GHR: variants seen among roughly 807,000 people sequenced by gnomAD.
GHR encodes the protein GH receptor.
A neutral mutation model predicts 67.1 loss-of-function variants in GHR; 35 were observed. The ratio of observed to expected loss-of-function variants is 0.52; its 90% CI spans 0.40 to 0.69. GHR has a LOEUF of 0.69. Ranked by LOEUF, GHR falls within the 30% of genes least tolerant of loss-of-function variation. The probability of loss-of-function intolerance (pLI) is 0.00; values close to 1 mark genes in which losing one functional copy is unlikely to be tolerated. For missense variants in GHR, 792 were observed against 764.6 expected, an observed-to-expected ratio of 1.04 and a Z score of -0.42; for synonymous variants, 272 against 269.1, an observed-to-expected ratio of 1.01 and a Z score of -0.10.
intron 1 of GHR, among the ~76,000 whole-genome samples, chr5:42,475,761 G>A (rs1300811649): frequency 6.6e-6 from 1 of 152,094 alleles, no homozygotes; most frequent in Non-Finnish European, 1.5e-5. Context: ...TGGGGAGAGT[G>A]AGAGTAAATT....
intron 4 of GHR, 102 bp from the exon 5 acceptor site, chr5:42,694,815 T>C: frequency 1.1e-6 from 1 of 874,440 alleles, no homozygotes. Context: ...ACAAAATATT[T>C]GTCTTCCAAT....
intron 1 of GHR, among the ~76,000 whole-genome samples, chr5:42,429,009 GTATCT>G (rs1742975774): frequency 5.3e-5 from 8 of 152,046 alleles, no homozygotes; most frequent in Non-Finnish European, 1.0e-4. Flanking sequence ...ACATTTTTGG[GTATCT>G]TTACAGCAGC....
rs551617341 is a variant in GHR, at chr5:42,505,280, CT to C, written c.-11-60583del. 3.6e-4 allele frequency among the ~76,000 whole-genome samples: 54 copies of C among 151,986 alleles called. 1 individual carries two copies. The highest frequency in any genetic ancestry group is 1.2e-3 in the African/African-American group (50 of 41,480). On this transcript the variant is annotated intron_variant, in intron 1 of 9. Coordinates refer to ENST00000230882, the MANE Select transcript of GHR (RefSeq NM_000163.5). ...CTATTTCTTAAACTGAGGAGAATTTCTGTTTGAGCCCAGTCCAAGTCATTAC... is the reference window on the plus strand; with the variant it reads ...CTATTTCTTAAACTGAGGAGAATTTCGTTTGAGCCCAGTCCAAGTCATTAC...
At chr5:42,681,187 G>C (rs1019381584) in intron 3 of GHR, among the ~76,000 whole-genome samples, 1 of 151,702 alleles carries the variant, frequency 6.6e-6, no homozygotes, top group African/African-American at 2.4e-5. Flanking sequence ...CTACAGAATG[G>C]GAGAAAATTT....
intron 3 of GHR, among the ~76,000 whole-genome samples, chr5:42,642,150 T>C (rs1754507403): frequency 6.6e-6 from 1 of 152,158 alleles, no homozygotes; most frequent in Non-Finnish European, 1.5e-5. Context: ...CAGAAGACGA[T>C]TAGAAGGGCA....
chr5:42,435,531 G>A (rs575383039), intron 1 of GHR, among the ~76,000 whole-genome samples: 2 of 152,142 alleles, frequency 1.3e-5, no homozygotes, highest in African/African-American at 4.8e-5. Context: ...TTTTTATCTG[G>A]GACTAATTTC....
At chr5:42,460,186 T>G (rs1276795553) in intron 1 of GHR, among the ~76,000 whole-genome samples, 2 of 152,204 alleles carry the variant, frequency 1.3e-5, no homozygotes, top group East Asian at 3.8e-4. Context: ...CACCAGGAAC[T>G]TAAGTGTCTG....
intron 3 of GHR, among the ~76,000 whole-genome samples, chr5:42,637,291 C>T (rs1406753023): frequency 6.6e-6 from 1 of 152,116 alleles, no homozygotes; most frequent in Non-Finnish European, 1.5e-5. Flanking sequence ...AACAGCAAAG[C>T]AATTAATTCT....
intron 2 of GHR, among the ~76,000 whole-genome samples, chr5:42,596,690 C>T (rs1466177919): frequency 6.6e-6 from 1 of 152,164 alleles, no homozygotes; most frequent in Admixed American, 6.5e-5. Flanking sequence ...AGCTCCTCTC[C>T]TGATATGATT....
intron 1 of GHR, among the ~76,000 whole-genome samples, chr5:42,503,790 GA>G (rs1414460712): frequency 1.4e-5 from 2 of 141,378 alleles, no homozygotes; most frequent in Admixed American, 6.9e-5. Context: ...TCTCTAATTA[GA>G]TGACTTTTTT....
rs529915780 is a variant in GHR at position 42,695,958 on chromosome 5, T to A, written c.439+869T>A. 5.9e-5 allele frequency among the ~76,000 whole-genome samples: 9 copies of A among 152,272 alleles called. 1 individual carries two copies. The South Asian group carries it at 1.9e-3, about 32-fold the overall frequency. On this transcript the variant is annotated intron_variant, in intron 5 of 9. Coordinates refer to ENST00000230882, the MANE Select transcript of GHR (RefSeq NM_000163.5). ...GCTAGAACTTACAGATAGAAACAAA[T>A]AAAATCTAATAGGCTGACTTTAAGG...
intron 1 of GHR, among the ~76,000 whole-genome samples, chr5:42,543,054 T>C (rs554949058): frequency 1.3e-5 from 2 of 152,140 alleles, no homozygotes; most frequent in Non-Finnish European, 2.9e-5. Context: ...ATTTAAGTTG[T>C]TTCTACATCT....
Position 42,718,666 on chromosome 5 carries a change from A to C in GHR, c.1159A>C (p.Thr387Pro). ...LGVKDGDSGR[T>P]SCCEPDILET... Reference sequence around the variant, plus strand: ...GGTGAAGGATGGCGACTCTGGACGTACCAGCTGTTGTGAACCTGACATTCT... The same window carrying C: ...GGTGAAGGATGGCGACTCTGGACGTCCCAGCTGTTGTGAACCTGACATTCT... Residue 387 changes from threonine (T) to proline (P), a missense_variant, in exon 10 of 10, where the codon ACC becomes CCC. By Grantham distance (38) the Thr-to-Pro change is conservative. Transcript: ENST00000230882. The C allele has an allele frequency of 6.2e-7, 1 of 1,614,178 alleles. No homozygotes were observed.
chr5:42,502,773 T>A (rs7723304), intron 1 of GHR, among the ~76,000 whole-genome samples: 73,869 of 148,318 alleles, frequency 0.5, 19,288 homozygotes, highest in African/African-American at 0.63. Flanking sequence ...AATGTCTTTA[T>A]GTATATATAT....
At chr5:42,705,486 C>T (rs1293194447) in intron 6 of GHR, among the ~76,000 whole-genome samples, 1 of 152,008 alleles carries the variant, frequency 6.6e-6, no homozygotes, top group Non-Finnish European at 1.5e-5. Flanking sequence ...GTTTACCATA[C>T]AGATTATTTC....
chr5:42,591,645 G>A (rs1390133002), intron 2 of GHR, among the ~76,000 whole-genome samples: 2 of 151,978 alleles, frequency 1.3e-5, no homozygotes, highest in Non-Finnish European at 2.9e-5. Flanking sequence ...TACCTCCCCT[G>A]TCTCCAGATC....
chr5:42,707,164 T>A (rs1579650980), intron 6 of GHR, among the ~76,000 whole-genome samples: 1 of 152,048 alleles, frequency 6.6e-6, no homozygotes, highest in Non-Finnish European at 1.5e-5. Flanking sequence ...TATGTTAACC[T>A]GATAACAATT....
At chr5:42,454,938 G>A (rs1246881243) in intron 1 of GHR, among the ~76,000 whole-genome samples, 1 of 152,004 alleles carries the variant, frequency 6.6e-6, no homozygotes, top group Non-Finnish European at 1.5e-5. Context: ...AAATTCATTT[G>A]GAAGCTTCTT....
intron 3 of GHR, among the ~76,000 whole-genome samples, chr5:42,665,781 A>G (rs181141308): frequency 2.6e-5 from 4 of 152,238 alleles, no homozygotes; most frequent in Admixed American, 2.6e-4. Flanking sequence ...AAGAGGTTTA[A>G]TGGACTCACA....
Sources: gnomAD v4.1 joint callset for allele counts (sites outside exome capture counted in the v4.1 genomes callset) on GRCh38, gnomAD v4.1.1 for gene constraint, MANE v1.5 for transcripts, NCBI Gene and HGNC (gene_info 2026-07-23, HGNC 2026-07-21) for gene names.